Variants in FOXP1 observed in about 807,000 individuals in gnomAD.
FOXP1 encodes forkhead box protein P1.
A neutral mutation model predicts 98.2 loss-of-function variants in FOXP1; 15 were observed. That is an observed-to-expected ratio of 0.15 (90% CI 0.10 to 0.24). FOXP1 has a LOEUF of 0.24. Ranked by LOEUF, FOXP1 falls within the 10% of genes least tolerant of loss-of-function variation. The pLI, the probability that FOXP1 is intolerant of heterozygous loss-of-function variation, is 1.00. For synonymous variants in FOXP1, 371 were observed against 314.5 expected (o/e 1.18, Z -1.90); for missense variants, 633 against 848.5 (o/e 0.75, Z 3.15).
At chr3:71,237,133 G>A (rs2066858166) in intron 5 of FOXP1, among the ~76,000 whole-genome samples, 1 of 143,824 alleles carries the variant, frequency 7.0e-6, no homozygotes, top group South Asian at 2.3e-4. Flanking sequence ...TTGGGAGGCT[G>A]AGACAGGAGA....
intron 6 of FOXP1, among the ~76,000 whole-genome samples, chr3:71,182,844 T>C (rs1300664914): frequency 6.6e-6 from 1 of 152,000 alleles, no homozygotes; most frequent in East Asian, 1.9e-4. Context: ...CATGCCTGGC[T>C]TAATGTATAT....
intron 5 of FOXP1, among the ~76,000 whole-genome samples, chr3:71,297,008 G>T (rs1204844406): frequency 6.6e-6 from 1 of 152,130 alleles, no homozygotes; most frequent in African/African-American, 2.4e-5. Flanking sequence ...GCAGAATTAT[G>T]AGCCAAATAA....
intron 7 of FOXP1, among the ~76,000 whole-genome samples, chr3:71,068,828 C>T (rs73838148): frequency 2.0e-5 from 3 of 152,132 alleles, no homozygotes; most frequent in Non-Finnish European, 4.4e-5. Context: ...CAGGAAAGCG[C>T]GCCTCCCCAG....
intron 2 of FOXP1, among the ~76,000 whole-genome samples, chr3:71,531,854 ACTATGTAGG>A (rs2107540012): frequency 6.6e-6 from 1 of 152,330 alleles, no homozygotes; most frequent in African/African-American, 2.4e-5. Context: ...TTCCTACCTT[ACTATGTAGG>A]TAAGTGGAGG....
chr3:71,001,750 C>G (rs143638126), intron 12 of FOXP1, among the ~76,000 whole-genome samples: 100 of 152,294 alleles, frequency 6.6e-4, no homozygotes, highest in African/African-American at 2.4e-3. Context: ...GACTTTCCAA[C>G]AGGGAAAAGG....
chr3:70,972,742 AAATTCAGCCT>A, intron 17 of FOXP1, 66 bp from the exon 18 acceptor site: 1 of 1,536,588 alleles, frequency 6.5e-7, no homozygotes, highest in Non-Finnish European at 9.0e-7. Context: ...AAACAGCAGT[AAATTCAGCCT>A]AACAGTCCAC....
intron 7 of FOXP1, among the ~76,000 whole-genome samples, chr3:71,055,303 T>C (rs112782489): frequency 3.9e-5 from 6 of 152,304 alleles, no homozygotes; most frequent in African/African-American, 1.4e-4. Context: ...TGTGGGGATG[T>C]TGATGTGCCA....
intron 3 of FOXP1, among the ~76,000 whole-genome samples, chr3:71,414,796 A>G (rs1222019611): frequency 1.3e-5 from 2 of 152,236 alleles, no homozygotes; most frequent in Non-Finnish European, 2.9e-5. Flanking sequence ...AGAGCATGCA[A>G]AATAAAAATG....
At chr3:71,233,693 C>G (rs1256658375) in intron 5 of FOXP1, among the ~76,000 whole-genome samples, 5 of 151,524 alleles carry the variant, frequency 3.3e-5, no homozygotes, top group Non-Finnish European at 2.9e-5. Flanking sequence ...CTCGCACCCC[C>G]CCAGCTGGTG....
intron 3 of FOXP1, among the ~76,000 whole-genome samples, chr3:71,453,149 C>A (rs542886714): frequency 6.6e-6 from 1 of 152,270 alleles, no homozygotes; most frequent in South Asian, 2.1e-4. Flanking sequence ...ATCCCACAAT[C>A]CTATTCACAC....
At chr3:71,358,344 C>T (rs1232219894) in intron 4 of FOXP1, among the ~76,000 whole-genome samples, 4 of 152,112 alleles carry the variant, frequency 2.6e-5, no homozygotes, top group Non-Finnish European at 5.9e-5. Context: ...ATAGAAGGAA[C>T]GTACAGACAA....
rs111458581 is a variant in FOXP1 at position 71,331,460 on chromosome 3, C to A, written c.-73+27690G>T. Among the ~76,000 whole-genome samples, 22 of 147,012 alleles carry A rather than the reference C, an allele frequency of 1.5e-4. No homozygotes were observed. The South Asian group carries it at 4.7e-3, about 32-fold the overall frequency. On this transcript the variant is annotated intron_variant, in intron 4 of 20. Coordinates refer to ENST00000649528, the MANE Select transcript of FOXP1 (RefSeq NM_001349338.3). ...CTCCACGGCACCCAGTCCCATCGAC[C>A]GCCCAAGGGCTGAGGAGTGCGGGCG...
intron 3 of FOXP1, among the ~76,000 whole-genome samples, chr3:71,366,153 G>A (rs564860122): frequency 6.6e-6 from 1 of 151,676 alleles, no homozygotes; most frequent in East Asian, 1.9e-4. Context: ...TTTTTTCGTT[G>A]TGGATGGCAA....
intron 3 of FOXP1, among the ~76,000 whole-genome samples, chr3:71,454,531 G>C (rs1295689995): frequency 6.6e-6 from 1 of 152,026 alleles, no homozygotes; most frequent in Non-Finnish European, 1.5e-5. Context: ...TCCAAGTGTG[G>C]CCTCGACCAG....
chr3:71,223,379 C>G (rs2065557361), intron 5 of FOXP1, among the ~76,000 whole-genome samples: 1 of 152,096 alleles, frequency 6.6e-6, no homozygotes, highest in Non-Finnish European at 1.5e-5. Flanking sequence ...AAACCCAGTT[C>G]AAATATTACC....
chr3:71,002,927 G>A (rs747284965), intron 12 of FOXP1, among the ~76,000 whole-genome samples: 1 of 152,156 alleles, frequency 6.6e-6, no homozygotes, highest in African/African-American at 2.4e-5. Context: ...CTAATAAGCT[G>A]TCACCAATGA....
At chr3:70,978,229 G>A (rs192608897) in intron 14 of FOXP1, among the ~76,000 whole-genome samples, 200 bp from the exon 15 acceptor site, 4 of 152,264 alleles carry the variant, frequency 2.6e-5, no homozygotes, top group African/African-American at 9.6e-5. Context: ...CTCTGGCAGC[G>A]GTCTCTTTTC....
At chr3:71,416,239 A>C (rs2083201824) in intron 3 of FOXP1, among the ~76,000 whole-genome samples, 1 of 152,148 alleles carries the variant, frequency 6.6e-6, no homozygotes, top group African/African-American at 2.4e-5. Flanking sequence ...TAAGGGAGGC[A>C]TTAGGATGGT....
intron 7 of FOXP1, among the ~76,000 whole-genome samples, chr3:71,060,371 G>C (rs2051310610): frequency 6.6e-6 from 1 of 152,052 alleles, no homozygotes; most frequent in African/African-American, 2.4e-5. Flanking sequence ...AACATCACTT[G>C]CTTCTTTGAC....
Sources: gnomAD v4.1 joint callset for allele counts (sites outside exome capture counted in the v4.1 genomes callset) on GRCh38, gnomAD v4.1.1 for gene constraint, MANE v1.5 for transcripts, NCBI Gene and HGNC (gene_info 2026-07-23, HGNC 2026-07-21) for gene names.